AFF2: variants seen among roughly 807,000 people sequenced by gnomAD.
The protein encoded by AFF2 is AF4/FMR2 family member 2.
Under a neutral mutation model 76.9 loss-of-function variants are expected in AFF2, and 14 were observed. That is an observed-to-expected ratio of 0.18 (90% CI 0.12 to 0.28). AFF2 has a LOEUF of 0.28. AFF2 is among the 10% of genes least tolerant of loss of function. AFF2 has a pLI of 1.00. For synonymous variants in AFF2, 398 were observed against 366.7 expected (o/e 1.09, Z -0.98); for missense variants, 868 against 1,001.1 (o/e 0.87, Z 1.79).
chrX:148,522,691 T>C (rs1384988146), intron 1 of AFF2, among the ~76,000 whole-genome samples: 3 of 112,302 alleles, frequency 2.7e-5, no homozygotes, highest in Admixed American at 1.9e-4. Flanking sequence ...CGATTACTTA[T>C]GATTGATGTG....
At chrX:148,565,720 A>G (rs2053162493) in intron 1 of AFF2, among the ~76,000 whole-genome samples, 1 of 110,937 alleles carries the variant, frequency 9.0e-6, no homozygotes, top group African/African-American at 3.3e-5. Flanking sequence ...CACACAATCA[A>G]CTGAAGAATT....
chrX:148,544,434 G>C (rs2052897465), intron 1 of AFF2, among the ~76,000 whole-genome samples: 1 of 110,549 alleles, frequency 9.0e-6, no homozygotes, highest in Non-Finnish European at 1.9e-5. Flanking sequence ...CTCTCTCTCT[G>C]TCTCTGATTT....
At chrX:148,858,038 A>G (rs1170298676) in intron 7 of AFF2, among the ~76,000 whole-genome samples, 1 of 111,672 alleles carries the variant, frequency 9.0e-6, no homozygotes, top group Non-Finnish European at 1.9e-5. Flanking sequence ...TAATTTCCCA[A>G]ATTTGAACCT....
intron 1 of AFF2, among the ~76,000 whole-genome samples, chrX:148,534,950 G>A (rs782003801): frequency 7.2e-5 from 8 of 111,644 alleles, no homozygotes; most frequent in Non-Finnish European, 1.5e-4. Flanking sequence ...CTGAGCTGTC[G>A]TATAAGGAAA....
At chrX:148,981,874 G>A (rs1352269476) in intron 19 of AFF2, among the ~76,000 whole-genome samples, 1 of 112,538 alleles carries the variant, frequency 8.9e-6, no homozygotes, top group Non-Finnish European at 1.9e-5. Flanking sequence ...AACATTCAGT[G>A]CGAGGGAACA....
At chrX:148,894,665 A>G (rs185062912) in intron 8 of AFF2, among the ~76,000 whole-genome samples, 27 of 111,501 alleles carry the variant, frequency 2.4e-4, no homozygotes, top group Non-Finnish European at 4.5e-4. Context: ...CTAAAGCTTC[A>G]TATTTAACCC....
At chrX:148,969,395 G>A (rs1452537187) in intron 15 of AFF2, among the ~76,000 whole-genome samples, 1 of 112,153 alleles carries the variant, frequency 8.9e-6, no homozygotes, top group Non-Finnish European at 1.9e-5. Context: ...GGGGGTACGT[G>A]AAAAAATACA....
intron 3 of AFF2, among the ~76,000 whole-genome samples, chrX:148,742,768 A>G (rs1324937433): frequency 8.9e-6 from 1 of 111,948 alleles, no homozygotes; most frequent in Non-Finnish European, 1.9e-5. Flanking sequence ...GCTAAATATC[A>G]GTGGGTTATG....
In AFF2 at chrX:148,701,365, C is replaced by T. The variant is rs185891244; in HGVS notation, c.1041+38597C>T. Among the ~76,000 whole-genome samples the T allele has an allele frequency of 3.0e-3, 328 of 110,937 alleles. 2 individuals carry two copies. Among genetic ancestry groups the T allele is most frequent in the African/African-American group, 0.01 (312 of 30,542 alleles). ...TTTTAAAAATGGCACTTTAAAGAAT[C>T]ATATAGGGTCCTCCATCTGTTCTGA... On this transcript the variant is annotated intron_variant, in intron 3 of 20. Transcript: ENST00000370460.
chrX:148,597,860 G>A (rs913737601), intron 1 of AFF2, among the ~76,000 whole-genome samples: 3 of 112,211 alleles, frequency 2.7e-5, no homozygotes, highest in African/African-American at 9.7e-5. Context: ...CGTTTTACAC[G>A]GAAATAAACT....
At chrX:148,976,943 C>T (rs1382825804) in intron 16 of AFF2, among the ~76,000 whole-genome samples, 4 of 112,595 alleles carry the variant, frequency 3.6e-5, no homozygotes, top group African/African-American at 9.7e-5. Context: ...GAGAGCAAGG[C>T]GGCTAGAATG....
At chrX:148,905,725 A>G (rs782432370) in intron 9 of AFF2, among the ~76,000 whole-genome samples, 28 of 112,717 alleles carry the variant, frequency 2.5e-4, no homozygotes, top group Non-Finnish European at 4.7e-4. Context: ...ATAGGAAGTG[A>G]TTCCCAAGTT....
intron 3 of AFF2, among the ~76,000 whole-genome samples, chrX:148,673,308 C>A (rs374900584): frequency 6.1e-4 from 68 of 112,207 alleles, no homozygotes; most frequent in African/African-American, 1.9e-3. Flanking sequence ...TTTGCTCACA[C>A]TTCTGGAGAC....
chrX:148,754,060 G>C (rs781983883), intron 3 of AFF2, among the ~76,000 whole-genome samples: 3 of 111,344 alleles, frequency 2.7e-5, no homozygotes, highest in Non-Finnish European at 5.7e-5. Context: ...AATCAATCAT[G>C]GCTATGATCA....
At chrX:148,569,100 C>G (rs1344093870) in intron 1 of AFF2, among the ~76,000 whole-genome samples, 1 of 110,460 alleles carries the variant, frequency 9.1e-6, no homozygotes, top group Non-Finnish European at 1.9e-5. Flanking sequence ...GTCACTTTCC[C>G]TCTCTGACTT....
chrX:148,598,100 ATAAT>A (rs1476011483), intron 1 of AFF2, among the ~76,000 whole-genome samples: 4 of 112,367 alleles, frequency 3.6e-5, no homozygotes, highest in Non-Finnish European at 7.5e-5. Context: ...CATACATCTA[ATAAT>A]TAATGTTTGA....
At chrX:148,888,083 CTG>C (rs1438019827) in intron 8 of AFF2, among the ~76,000 whole-genome samples, 2 of 111,989 alleles carry the variant, frequency 1.8e-5, no homozygotes, top group African/African-American at 6.5e-5. Context: ...GTGTTCAATT[CTG>C]TGACACTTAA....
At chrX:148,988,524 G>A (rs2072499205) in intron 20 of AFF2, among the ~76,000 whole-genome samples, 1 of 111,998 alleles carries the variant, frequency 8.9e-6, no homozygotes, top group African/African-American at 3.2e-5. Flanking sequence ...TGGACGTAAT[G>A]GTGATGATGA....
rs782475439 is a variant in AFF2, at chrX:148,955,884, G to A, written c.1839G>A (p.Lys613=). The A allele has an allele frequency of 8.3e-7, 1 of 1,211,725 alleles. No individual in the cohort carries two copies. Among genetic ancestry groups the A allele is most frequent in the Admixed American group, 2.2e-5 (1 of 46,050 alleles). ...KIPETKALKH[K]LSTTSETVSQ... is the part of the protein sequence containing the mutation. ...CAGAAACAAAGGCTTTGAAGCATAA[G>A]TTGTCAACAACTAGTGAGACAGTGT... Residue 613 remains lysine (K), a synonymous_variant, in exon 11 of 21, where the codon AAG becomes AAA. Coordinates refer to ENST00000370460, the MANE Select transcript of AFF2 (RefSeq NM_002025.4).
Sources: gnomAD v4.1 joint callset for allele counts (sites outside exome capture counted in the v4.1 genomes callset) on GRCh38, gnomAD v4.1.1 for gene constraint, MANE v1.5 for transcripts, NCBI Gene and HGNC (gene_info 2026-07-23, HGNC 2026-07-21) for gene names.